TLN2: variants seen among roughly 807,000 people sequenced by gnomAD.
TLN2 encodes the protein talin-2.
TLN2 carries 118 observed loss-of-function variants against 294.7 expected under a neutral mutation model. The ratio of observed to expected loss-of-function variants is 0.40; its 90% CI spans 0.34 to 0.47. The LOEUF is 0.47. Among genes scored for constraint, TLN2 ranks in the 20% least tolerant of loss-of-function variants. The pLI is 0.84. For synonymous variants in TLN2, 1,431 were observed against 1,304.5 expected, an observed-to-expected ratio of 1.10 and a Z score of -2.09; for missense variants, 3,083 against 3,282.2, an observed-to-expected ratio of 0.94 and a Z score of 1.48.
intron 54 of TLN2, among the ~76,000 whole-genome samples, chr15:62,825,763 T>TATATATATAAATATATTATATTATAA (rs2068012931): frequency 1.2e-5 from 1 of 86,836 alleles, no homozygotes; most frequent in African/African-American, 6.3e-5. Context: ...ATAATTATAA[T>TATATATATAAATATATTATATTATAA]TATATATTAT....
chr15:62,564,163 A>G (rs575684739), intron 1 of TLN2, among the ~76,000 whole-genome samples: 1 of 152,202 alleles, frequency 6.6e-6, no homozygotes, highest in African/African-American at 2.4e-5. Context: ...TGTTTTACAC[A>G]TGAGGGAATG....
chr15:62,789,205 G>C (rs2064905888), intron 45 of TLN2, among the ~76,000 whole-genome samples: 1 of 152,152 alleles, frequency 6.6e-6, no homozygotes. Flanking sequence ...ATACCTGTGA[G>C]GCTGAGCCTC....
chr15:62,599,407 C>T (rs903901241), intron 2 of TLN2, among the ~76,000 whole-genome samples: 8 of 152,100 alleles, frequency 5.3e-5, no homozygotes, highest in African/African-American at 1.2e-4. Flanking sequence ...ATTGTAAGGA[C>T]GGGATAGAAT....
chr15:62,642,612 C>T (rs1428085722), intron 3 of TLN2, among the ~76,000 whole-genome samples: 1 of 152,146 alleles, frequency 6.6e-6, no homozygotes, highest in African/African-American at 2.4e-5. Flanking sequence ...GGAAAATACA[C>T]ACTCATCTTT....
chr15:62,735,345 T>A (rs2060953467), intron 28 of TLN2, among the ~76,000 whole-genome samples: 1 of 152,200 alleles, frequency 6.6e-6, no homozygotes. Flanking sequence ...CCGCATGAGG[T>A]GGTGCTACAG....
In TLN2 at chr15:62,697,866, C is replaced by A; in HGVS notation, c.1471C>A (p.Leu491Met). ...GATGCACCGAGGCCACATGCCGCCA[C>A]TGGTGAGGCTTCCTGTGCTCGTCCC... ...GQMHRGHMPP[L>M]TSAQQALMGT... The change falls in exon 15 of 59, where the codon CTG (leucine) becomes ATG (methionine). Residue 491 changes from leucine to methionine, a missense_variant and splice_region_variant. By Grantham distance (15) the Leu-to-Met change is conservative. Coordinates refer to ENST00000636159, the MANE Select transcript of TLN2 (RefSeq NM_015059.3). 1 of 1,611,750 alleles carries A rather than the reference C, an allele frequency of 6.2e-7. No homozygotes were observed. The highest frequency in any genetic ancestry group is 8.5e-7 in the Non-Finnish European group (1 of 1,179,584).
intron 3 of TLN2, among the ~76,000 whole-genome samples, chr15:62,628,292 G>A (rs2049463926): frequency 6.6e-6 from 1 of 152,156 alleles, no homozygotes; most frequent in African/African-American, 2.4e-5. Context: ...GTACCTATGG[G>A]GGCTTCCCTG....
At chr15:62,493,530 C>T (rs1390785669) in intron 1 of TLN2, among the ~76,000 whole-genome samples, 1 of 152,022 alleles carries the variant, frequency 6.6e-6, no homozygotes, top group Admixed American at 6.6e-5. Context: ...TCTAAGCTTT[C>T]GTTACAAAAG....
At chr15:62,737,329 T>C (rs1406688759) in intron 29 of TLN2, among the ~76,000 whole-genome samples, 2 of 152,208 alleles carry the variant, frequency 1.3e-5, no homozygotes, top group East Asian at 3.8e-4. Context: ...ATGGGGGCCT[T>C]TGAATTCTGT....
intron 1 of TLN2, among the ~76,000 whole-genome samples, chr15:62,568,530 C>T (rs963799713): frequency 2.0e-5 from 3 of 152,208 alleles, no homozygotes; most frequent in African/African-American, 7.2e-5. Flanking sequence ...GTTGGAAGCA[C>T]AGTGCGTGGC....
intron 3 of TLN2, among the ~76,000 whole-genome samples, chr15:62,625,561 A>G (rs2049210046): frequency 6.6e-6 from 1 of 152,100 alleles, no homozygotes; most frequent in South Asian, 2.1e-4. Context: ...GCTGCTCCAG[A>G]GCCAAGAGGA....
rs375686258 is a variant in TLN2 at position 62,708,571 on chromosome 15, C to G, written c.2242C>G (p.Arg748Gly). Residue 748 changes from arginine (R) to glycine (G), a missense_variant, in exon 21 of 59, where the codon CGC becomes GGC. Coordinates refer to ENST00000636159, the MANE Select transcript of TLN2 (RefSeq NM_015059.3). The stretch of plus-strand genomic sequence containing the variant: ...GATTGAAGCAGGGAAGCTGGTGGAC[C>G]GCTCGGTGGAGAACTGTGTCCGTGC... ...QLIEAGKLVDRSVENCVRACQ... is the reference protein window; with the variant it reads ...QLIEAGKLVDGSVENCVRACQ... The G allele has an allele frequency of 2.5e-6, 4 of 1,614,156 alleles. No homozygotes were observed. The East Asian group carries it at 8.9e-5, about 36-fold the overall frequency.
chr15:62,418,306 T>C (rs544823371), intron 1 of TLN2, among the ~76,000 whole-genome samples: 51 of 152,200 alleles, frequency 3.4e-4, no homozygotes, highest in Non-Finnish European at 3.1e-4. Flanking sequence ...AACATTGCAA[T>C]GATAGACTAT....
rs1176786537 is a variant in TLN2 at position 62,650,086 on chromosome 15, T to G, written c.139T>G (p.Ser47Ala). The G allele has an allele frequency of 6.2e-7, 1 of 1,614,054 alleles. No homozygotes were observed. Among genetic ancestry groups the G allele is most frequent in the South Asian group, 1.1e-5 (1 of 91,078 alleles). Residue 47 changes from serine (S) to alanine (A), a missense_variant and splice_region_variant, in exon 5 of 59, where the codon TCT becomes GCT. Physicochemically the swap from Ser to Ala is moderately conservative, Grantham distance 99. Transcript: ENST00000636159. Reference sequence around the variant, plus strand: ...TTTTCTTCCCATTTATATTTCAGCTTCTGACTATGGACTCTTTCTTTCGGA... The same window carrying G: ...TTTTCTTCCCATTTATATTTCAGCTGCTGACTATGGACTCTTTCTTTCGGA... ...RVPEAQTGQA[S>A]DYGLFLSDED... is the part of the protein sequence containing the mutation.
intron 23 of TLN2, among the ~76,000 whole-genome samples, 189 bp from the exon 24 acceptor site, chr15:62,717,387 G>C (rs777351234): frequency 6.6e-6 from 1 of 152,192 alleles, no homozygotes; most frequent in Non-Finnish European, 1.5e-5. Context: ...ACTTGTCTCA[G>C]AGGACGTCAA....
chr15:62,479,724 G>A (rs540005050), intron 1 of TLN2, among the ~76,000 whole-genome samples: 2 of 152,262 alleles, frequency 1.3e-5, no homozygotes, highest in Admixed American at 1.3e-4. Context: ...GGCCCCAAGT[G>A]ATCCGCCTGC....
At chr15:62,791,396 A>C (rs2065068907) in intron 45 of TLN2, among the ~76,000 whole-genome samples, 1 of 152,196 alleles carries the variant, frequency 6.6e-6, no homozygotes, top group African/African-American at 2.4e-5. Flanking sequence ...AAAGAGCAGA[A>C]GCTCAACTTT....
At chr15:62,434,224 A>G (rs1225854076) in intron 1 of TLN2, among the ~76,000 whole-genome samples, 1 of 152,168 alleles carries the variant, frequency 6.6e-6, no homozygotes, top group African/African-American at 2.4e-5. Flanking sequence ...GAAGTGGTCT[A>G]TGTATATGTG....
intron 1 of TLN2, among the ~76,000 whole-genome samples, chr15:62,520,074 T>C (rs2040383070): frequency 6.6e-6 from 1 of 152,210 alleles, no homozygotes; most frequent in African/African-American, 2.4e-5. Context: ...TTGTGAGACT[T>C]ATTCACTACC....
Sources: allele counts gnomAD v4.1 joint callset (sites outside exome capture counted in the v4.1 genomes callset), GRCh38; gene constraint gnomAD v4.1.1; transcripts MANE v1.5; gene names NCBI Gene and HGNC (gene_info 2026-07-23, HGNC 2026-07-21).